Variants in DPP6 observed in about 807,000 individuals in gnomAD.
DPP6 encodes A-type potassium channel modulatory protein DPP6.
In DPP6, 69 loss-of-function variants were observed where a neutral mutation model predicts 122.6. The observed-to-expected ratio is 0.56, with a 90% CI of 0.46 to 0.69. The LOEUF (loss-of-function observed/expected upper bound fraction) is 0.69, where lower values mean the gene tolerates loss of function less well. DPP6 is among the 30% of genes least tolerant of loss of function. The probability of loss-of-function intolerance (pLI) is 0.00; values close to 1 mark genes in which losing one functional copy is unlikely to be tolerated. For synonymous variants in DPP6, 418 were observed against 433.1 expected, an observed-to-expected ratio of 0.97 and a Z score of 0.43; for missense variants, 928 against 1,116.9, an observed-to-expected ratio of 0.83 and a Z score of 2.41.
intron 1 of DPP6, among the ~76,000 whole-genome samples, chr7:154,013,267 G>GT (rs1313903912): frequency 1.3e-5 from 2 of 152,042 alleles, no homozygotes; most frequent in Non-Finnish European, 2.9e-5. Flanking sequence ...AGGAAGCCTG[G>GT]TTACTCATGA....
In DPP6 at chr7:154,307,318, C is replaced by G. The variant is rs373008638; in HGVS notation, c.244-138896C>G. Among the ~76,000 whole-genome samples, 11 of 152,252 alleles carry G rather than the reference C, an allele frequency of 7.2e-5. No homozygotes were observed. In the East Asian group the frequency reaches 1.2e-3, roughly 16 times the overall value. On this transcript the variant is annotated intron_variant, in intron 1 of 25. Coordinates refer to ENST00000377770, the MANE Select transcript of DPP6 (RefSeq NM_130797.4). ...TCCCATGTCCTTGAACCTATTCAATCGGAGAAGGCTTAAACTGATATAAAA... is the reference window on the plus strand; with the variant it reads ...TCCCATGTCCTTGAACCTATTCAATGGGAGAAGGCTTAAACTGATATAAAA...
intron 1 of DPP6, among the ~76,000 whole-genome samples, chr7:153,956,463 A>G (rs192772991): frequency 2.5e-4 from 38 of 152,326 alleles, no homozygotes; most frequent in Admixed American, 2.1e-3. Flanking sequence ...GAGCATAGAA[A>G]GCCCAGGTGA....
At chr7:153,965,078 A>G (rs1391692265) in intron 1 of DPP6, among the ~76,000 whole-genome samples, 4 of 147,114 alleles carry the variant, frequency 2.7e-5, no homozygotes, top group Non-Finnish European at 4.4e-5. Flanking sequence ...TGACAAACCT[A>G]TTAATAATTT....
chr7:153,928,395 C>CTTTTTTTTTT (rs1467865041), intron 1 of DPP6, among the ~76,000 whole-genome samples: 12 of 29,996 alleles, frequency 4.0e-4, no homozygotes, highest in South Asian at 9.4e-4. Context: ...TCTTTTCTTT[C>CTTTTTTTTTT]ATTTTTTTTT....
chr7:153,927,279 C>T (rs947139545), intron 1 of DPP6, among the ~76,000 whole-genome samples: 1 of 152,178 alleles, frequency 6.6e-6, no homozygotes, highest in Non-Finnish European at 1.5e-5. Context: ...TGCCACTGCA[C>T]TCTAGCCTGG....
At chr7:154,620,629 G>GT (rs760391125) in intron 5 of DPP6, among the ~76,000 whole-genome samples, 13 of 152,080 alleles carry the variant, frequency 8.5e-5, no homozygotes, top group African/African-American at 3.1e-4. Flanking sequence ...CTCTGAATGA[G>GT]TTTTTTTTCC....
intron 8 of DPP6, among the ~76,000 whole-genome samples, chr7:154,746,321 C>T (rs1427075451): frequency 6.6e-6 from 1 of 152,086 alleles, no homozygotes; most frequent in East Asian, 1.9e-4. Flanking sequence ...ATATGAAAGC[C>T]CTGCCATATA....
chr7:154,757,573 A>G (rs1277875326), intron 8 of DPP6, among the ~76,000 whole-genome samples: 1 of 152,194 alleles, frequency 6.6e-6, no homozygotes, highest in East Asian at 1.9e-4. Flanking sequence ...GCGTGGGATG[A>G]CAGCCATTTT....
At chr7:154,080,758 A>G (rs1389454305) in intron 1 of DPP6, among the ~76,000 whole-genome samples, 2 of 151,426 alleles carry the variant, frequency 1.3e-5, no homozygotes, top group Non-Finnish European at 3.0e-5. Context: ...TGATTGAAAC[A>G]TGCAGTGGAA....
intron 4 of DPP6, 44 bp downstream of exon 4, chr7:154,540,670 C>A: frequency 8.3e-7 from 1 of 1,201,142 alleles, no homozygotes; most frequent in Non-Finnish European, 1.2e-6. Flanking sequence ...AGTTTTTCTT[C>A]CTGCAAGTCA....
rs1028538354 is a variant in DPP6 at position 154,760,859 on chromosome 7, C to T, written c.884-8558C>T. Among the ~76,000 whole-genome samples, 17 of 141,066 alleles carry T rather than the reference C, an allele frequency of 1.2e-4. No homozygotes were observed. Among genetic ancestry groups the T allele is most frequent in the Admixed American group, 1.0e-3 (14 of 14,048 alleles). The allele number at this position is 141,066 out of a possible 152,430, so 92.5% of individuals were successfully genotyped here. A position where few individuals can be genotyped will look rare whatever the true frequency, so the allele number is the denominator to read the frequency against. ...AACTTTTGTTTTTTTTTTTTTGAGA[C>T]AGTCTTGCTGTGTCGCCCAGGCTTG... is the stretch of plus-strand genomic sequence containing the variant. On this transcript the variant is annotated intron_variant, in intron 8 of 25. Coordinates refer to ENST00000377770, the MANE Select transcript of DPP6 (RefSeq NM_130797.4). This position sits in a 1 kb window ranked among gnomAD's most constrained non-coding sequence, Gnocchi z 4.5.
the DPP6 span, among the ~76,000 whole-genome samples, chr7:153,797,599 A>G: frequency 6.6e-6 from 1 of 152,148 alleles, no homozygotes; most frequent in Non-Finnish European, 1.5e-5. Context: ...GCCTTCTAGC[A>G]AGCTGACTCA....
At chr7:154,270,719 G>A (rs563000942) in intron 1 of DPP6, among the ~76,000 whole-genome samples, 87 of 152,318 alleles carry the variant, frequency 5.7e-4, no homozygotes, top group Non-Finnish European at 1.1e-3. Flanking sequence ...CTCAATACCA[G>A]TAGCTCCTGC....
intron 1 of DPP6, among the ~76,000 whole-genome samples, chr7:154,085,975 C>T (rs1432492628): frequency 1.3e-5 from 2 of 151,996 alleles, no homozygotes; most frequent in Non-Finnish European, 2.9e-5. Flanking sequence ...ATCTGCCTGC[C>T]TTGGCCTCCC....
intron 8 of DPP6, among the ~76,000 whole-genome samples, chr7:154,732,835 G>C (rs554539958): frequency 2.6e-5 from 4 of 152,310 alleles, no homozygotes; most frequent in African/African-American, 9.6e-5. Context: ...TGTTAGATGA[G>C]ACTCTCGAAG....
the DPP6 span, among the ~76,000 whole-genome samples, chr7:153,830,219 A>C: frequency 0.44 from 66,682 of 152,018 alleles, 14,657 homozygotes; most frequent in Middle Eastern, 0.46. Flanking sequence ...GAACATTTTC[A>C]GTTTTCATTG....
intron 16 of DPP6, among the ~76,000 whole-genome samples, chr7:154,836,415 G>C (rs1335842774): frequency 6.6e-6 from 1 of 152,222 alleles, no homozygotes; most frequent in Non-Finnish European, 1.5e-5. Flanking sequence ...TGGTGTTTTT[G>C]AGATCGAACA....
intron 1 of DPP6, among the ~76,000 whole-genome samples, chr7:154,367,687 C>A (rs774473771): frequency 6.6e-6 from 1 of 152,172 alleles, no homozygotes; most frequent in Non-Finnish European, 1.5e-5. Context: ...TTAAGTAATA[C>A]AGCAGAAGAG....
At chr7:154,835,342 G>A (rs988131904) in intron 16 of DPP6, among the ~76,000 whole-genome samples, 55 of 152,216 alleles carry the variant, frequency 3.6e-4, no homozygotes, top group African/African-American at 1.3e-3. Flanking sequence ...AAGAGCTGCC[G>A]CCCTGCCCCC....
Sources: gnomAD v4.1 joint callset for allele counts (sites outside exome capture counted in the v4.1 genomes callset) on GRCh38, gnomAD v4.1.1 for gene constraint, Gnocchi (gnomAD v3.1) non-coding constraint, MANE v1.5 for transcripts, NCBI Gene and HGNC (gene_info 2026-07-23, HGNC 2026-07-21) for gene names.